Variants in EXT1 observed in about 807,000 individuals in gnomAD.
EXT1 encodes the protein exostosin-1.
In EXT1, 20 loss-of-function variants were observed where a neutral mutation model predicts 82.5. That is an observed-to-expected ratio of 0.24 (90% CI 0.17 to 0.35). EXT1 has a LOEUF of 0.35. Ranked by LOEUF, EXT1 falls within the 10% of genes least tolerant of loss-of-function variation. The probability of loss-of-function intolerance (pLI) is 1.00; values close to 1 mark genes in which losing one functional copy is unlikely to be tolerated. For missense variants in EXT1, 757 were observed against 936.5 expected (o/e 0.81, Z 2.50); for synonymous variants, 348 against 350.8 (o/e 0.99, Z 0.09).
Position 117,816,816 on chromosome 8 carries a change from T to C in EXT1, c.1632+1619A>G, listed in dbSNP as rs145960549. Among the ~76,000 whole-genome samples the C allele has an allele frequency of 1.4e-3, 208 of 152,300 alleles. 1 individual carries two copies. The highest frequency in any genetic ancestry group is 4.7e-3 in the African/African-American group (195 of 41,564). The stretch of plus-strand genomic sequence containing the variant: ...CAGACTGGATTGTGTCTGAATATCC[T>C]GACATATCCAAAGAAAGACATTATC... On this transcript the variant is annotated intron_variant, in intron 7 of 10. Coordinates refer to ENST00000378204, the MANE Select transcript of EXT1 (RefSeq NM_000127.3).
chr8:118,016,592 A>T (rs1266258486), intron 1 of EXT1, among the ~76,000 whole-genome samples: 1 of 152,140 alleles, frequency 6.6e-6, no homozygotes, highest in Non-Finnish European at 1.5e-5. Flanking sequence ...GTGGGAAGAG[A>T]GGAAGGCAGG....
intron 1 of EXT1, 81 bp downstream of exon 1, chr8:118,109,999 TCACCC>T (rs2130040595): frequency 6.2e-7 from 1 of 1,603,900 alleles, no homozygotes; most frequent in South Asian, 1.1e-5. Flanking sequence ...TCATCCGCCC[TCACCC>T]CATCCCCCAA....
intron 1 of EXT1, among the ~76,000 whole-genome samples, chr8:117,908,057 T>C (rs1586277945): frequency 6.6e-6 from 1 of 152,226 alleles, no homozygotes; most frequent in Admixed American, 6.5e-5. Flanking sequence ...AAGAAACAGC[T>C]TTCTGGCTCA....
chr8:117,986,700 A>G (rs1293372541), intron 1 of EXT1, among the ~76,000 whole-genome samples: 2 of 152,172 alleles, frequency 1.3e-5, no homozygotes, highest in African/African-American at 2.4e-5. Context: ...TTTTTTAAAA[A>G]CATACCGGAC....
In EXT1 at chr8:117,826,700, T is replaced by A. The variant is rs143876225; in HGVS notation, c.1284+3530A>T. ...ATGCAACTTGGTTGAGAGGTCAAAC[T>A]GTTACAATCCAATCTTGGAACTATA... On this transcript the variant is annotated intron_variant, in intron 4 of 10. Transcript: ENST00000378204. Among the ~76,000 whole-genome samples the A allele has an allele frequency of 4.4e-3, 668 of 152,272 alleles. 3 individuals are homozygous for A. Among genetic ancestry groups the A allele is most frequent in the African/African-American group, 0.015 (638 of 41,544 alleles).
At chr8:117,986,726 T>C (rs909495045) in intron 1 of EXT1, among the ~76,000 whole-genome samples, 1 of 152,212 alleles carries the variant, frequency 6.6e-6, no homozygotes, top group Non-Finnish European at 1.5e-5. Flanking sequence ...CGTGGGTTCT[T>C]ATTTAACAGC....
chr8:117,973,551 ATGAGC>A (rs965766382), intron 1 of EXT1, among the ~76,000 whole-genome samples: 1 of 152,046 alleles, frequency 6.6e-6, no homozygotes, highest in African/African-American at 2.4e-5. Flanking sequence ...GGAGGACTGC[ATGAGC>A]CTAGGAGTTC....
rs964901002 is a variant in EXT1 at position 117,794,711 on chromosome 8, A to C, written c.*5001T>G. 10 of 152,198 alleles carry C rather than the reference A, an allele frequency of 6.6e-5. No individual in the cohort carries two copies. Among genetic ancestry groups the C allele is most frequent in the African/African-American group, 2.4e-4 (10 of 41,450 alleles). 9.4% of individuals were successfully genotyped at this position (152,198 alleles called of 1,614,324 possible). A position where few individuals can be genotyped will look rare whatever the true frequency, so the allele number is the denominator to read the frequency against. The stretch of plus-strand genomic sequence containing the variant: ...GAGGGCTTAATTACGCTAAGTCATT[A>C]ATACTCTATAACAAATGGGAAAAAC... On this transcript the variant is annotated 3_prime_UTR_variant, in exon 11 of 11. Transcript: ENST00000378204.
intron 5 of EXT1, 34 bp from the exon 6 acceptor site, chr8:117,819,828 C>T (rs369841024): frequency 2.6e-5 from 42 of 1,588,578 alleles, no homozygotes; most frequent in African/African-American, 1.1e-4. Flanking sequence ...CCTAATGAAG[C>T]GCTGGAAAGC....
At chr8:117,826,359 G>C (rs1413267903) in intron 4 of EXT1, among the ~76,000 whole-genome samples, 1 of 152,170 alleles carries the variant, frequency 6.6e-6, no homozygotes, top group East Asian at 1.9e-4. Flanking sequence ...TACCAAGCAA[G>C]GAGAAAGACC....
intron 1 of EXT1, among the ~76,000 whole-genome samples, chr8:118,026,603 T>C (rs891828822): frequency 1.3e-5 from 2 of 152,152 alleles, no homozygotes; most frequent in Admixed American, 6.5e-5. Context: ...AAAAAATCTC[T>C]TGAAGAGTAG....
Position 118,014,825 on chromosome 8 carries a change from CA to C in EXT1, c.962+95259del, listed in dbSNP as rs1410023297. ...TACCCTAAAACCTCAACCCCAGGCC[CA>C]AGAGTTACACAAGCAGACTCACCTT... On this transcript the variant is annotated intron_variant, in intron 1 of 10. Coordinates refer to ENST00000378204, the MANE Select transcript of EXT1 (RefSeq NM_000127.3). Among the ~76,000 whole-genome samples the C allele has an allele frequency of 2.0e-5, 3 of 152,030 alleles. No individual in the cohort carries two copies. In the East Asian group the frequency reaches 5.8e-4, roughly 29 times the overall value.
In EXT1 at chr8:117,861,642, G is replaced by A. The variant is rs775692772; in HGVS notation, c.963-24441C>T. Among the ~76,000 whole-genome samples the A allele has an allele frequency of 1.5e-4, 22 of 142,700 alleles. 4 individuals carry two copies. Among genetic ancestry groups the A allele is most frequent in the Admixed American group, 4.3e-4 (6 of 13,830 alleles). 93.6% of individuals were successfully genotyped at this position (142,700 alleles called of 152,430 possible). ...CCTGAGTAGCTGGGATTACAGATACGTGCCACCACACCCAGCTAATTTTTG... is the reference window on the plus strand; with the variant it reads ...CCTGAGTAGCTGGGATTACAGATACATGCCACCACACCCAGCTAATTTTTG... On this transcript the variant is annotated intron_variant, in intron 1 of 10. Coordinates refer to ENST00000378204, the MANE Select transcript of EXT1 (RefSeq NM_000127.3).
chr8:118,085,429 T>G (rs893882027), intron 1 of EXT1, among the ~76,000 whole-genome samples: 1 of 151,928 alleles, frequency 6.6e-6, no homozygotes, highest in African/African-American at 2.4e-5. Flanking sequence ...TCCTATAGAT[T>G]TATGGTACCT....
intron 1 of EXT1, among the ~76,000 whole-genome samples, chr8:117,967,772 G>T (rs1216146779): frequency 6.6e-6 from 1 of 152,196 alleles, no homozygotes; most frequent in Non-Finnish European, 1.5e-5. Flanking sequence ...AGTGCTGAGA[G>T]TTACTTTTAA....
chr8:117,943,382 G>A (rs1159288618), intron 1 of EXT1, among the ~76,000 whole-genome samples: 1 of 152,102 alleles, frequency 6.6e-6, no homozygotes, highest in Non-Finnish European at 1.5e-5. Context: ...AGCACCGATT[G>A]TAACAATGCA....
intron 1 of EXT1, among the ~76,000 whole-genome samples, chr8:118,014,595 T>G (rs1017688429): frequency 6.6e-6 from 1 of 152,178 alleles, no homozygotes; most frequent in African/African-American, 2.4e-5. Flanking sequence ...TTCTTCTTTT[T>G]TCTTTTTAAT....
At chr8:118,104,060 G>C (rs1032371672) in intron 1 of EXT1, among the ~76,000 whole-genome samples, 6 of 152,132 alleles carry the variant, frequency 3.9e-5, no homozygotes, top group Non-Finnish European at 5.9e-5. Context: ...AAGTACCCAG[G>C]TAGGAACCCT....
intron 1 of EXT1, among the ~76,000 whole-genome samples, chr8:118,059,672 G>A (rs962175399): frequency 6.6e-5 from 10 of 152,176 alleles, no homozygotes; most frequent in East Asian, 1.9e-4. Context: ...CCAACCCTAC[G>A]CAAGAACTTC....
Sources: allele counts gnomAD v4.1 joint callset (sites outside exome capture counted in the v4.1 genomes callset), GRCh38; gene constraint gnomAD v4.1.1; transcripts MANE v1.5; gene names NCBI Gene and HGNC (gene_info 2026-07-23, HGNC 2026-07-21).